The following NINL variants were observed in gnomAD, a reference collection of about 807,000 sequenced individuals.
The protein encoded by NINL is ninein like, also known as ninein-like protein.
A neutral mutation model predicts 160.3 loss-of-function variants in NINL; 153 were observed. That is an observed-to-expected ratio of 0.95 (90% CI 0.84 to 1.09). The LOEUF is 1.09. Among genes scored for constraint, NINL ranks in the 50% least tolerant of loss-of-function variants. The pLI is 0.00. For synonymous variants in NINL, 800 were observed against 734.8 expected (o/e 1.09, Z -1.43); for missense variants, 1,829 against 1,764.0 (o/e 1.04, Z -0.66).
chr20:25,521,273 C>T (rs1415478081), intron 2 of NINL, among the ~76,000 whole-genome samples: 2 of 152,144 alleles, frequency 1.3e-5, no homozygotes, highest in African/African-American at 2.4e-5. Flanking sequence ...CAGTTCTAGA[C>T]ATTTTATTTG....
intron 3 of NINL, 54 bp downstream of exon 3, chr20:25,517,699 T>G: frequency 7.3e-7 from 1 of 1,363,506 alleles, no homozygotes; most frequent in Non-Finnish European, 1.0e-6. Flanking sequence ...AATATTACAC[T>G]CCAAAAGTTA....
chr20:25,477,395 C>T (rs766920299), intron 16 of NINL, among the ~76,000 whole-genome samples: 10 of 152,210 alleles, frequency 6.6e-5, no homozygotes, highest in Non-Finnish European at 1.5e-4. Flanking sequence ...GCCCCTCGGC[C>T]GTGCAGGCCA....
In NINL at chr20:25,477,013, C is replaced by A. The variant is rs754917027; in HGVS notation, c.2278G>T (p.Glu760Ter). 2 of 1,601,260 alleles carry A rather than the reference C, an allele frequency of 1.2e-6. No individual in the cohort carries two copies. Among genetic ancestry groups the A allele is most frequent in the Non-Finnish European group, 1.7e-6 (2 of 1,179,734 alleles). Residue 760 changes from glutamate to a stop codon, truncating the protein, a stop_gained, in exon 17 of 24, where the codon GAG (glutamate) becomes TAG (stop). Transcript: ENST00000278886. LOFTEE classifies it high-confidence loss of function. ...GGTCCCTGCGGCGGCTCCTCCAGCT[C>A]CAAGGTCAGGTCTCTGCGAGCGGGC... Reference protein sequence around the residue: ...ALPARRDLTLELEEPPQGPLP... With the variant: ...ALPARRDLTL
In NINL at chr20:25,489,333, C is replaced by T. The variant is rs181531254; in HGVS notation, c.1597-9G>A. On this transcript the variant is annotated splice_polypyrimidine_tract_variant and intron_variant, in intron 12 of 23. Coordinates refer to ENST00000278886, the MANE Select transcript of NINL (RefSeq NM_025176.6). ...GCACTCTGTGGCTCCAGCTGAAAGG[C>T]AGACACAAAGGAAGTCACGGGTGGG... 5.2e-3 allele frequency: 8,404 copies of T among 1,613,170 alleles called. 41 individuals carry two copies. Among genetic ancestry groups the T allele is most frequent in the Non-Finnish European group, 5.6e-3 (6,628 of 1,179,866 alleles).
At chr20:25,472,534 T>C (rs2063130204) in intron 17 of NINL, among the ~76,000 whole-genome samples, 1 of 148,190 alleles carries the variant, frequency 6.7e-6, no homozygotes, top group Non-Finnish European at 1.5e-5. Flanking sequence ...AGGGAAAATA[T>C]TTCTTTTTTT....
chr20:25,486,599 A>C (rs1428152837), intron 13 of NINL, among the ~76,000 whole-genome samples: 1 of 149,936 alleles, frequency 6.7e-6, no homozygotes, highest in Non-Finnish European at 1.5e-5. Context: ...AGGCAGAAGG[A>C]AGGCGACACC....
intron 1 of NINL, among the ~76,000 whole-genome samples, chr20:25,578,618 C>A (rs2065141574): frequency 6.6e-6 from 1 of 151,244 alleles, no homozygotes. Flanking sequence ...ACGGTGAAAC[C>A]CCGTCTCTAC....
rs200555815 is a variant in NINL, at chr20:25,461,590, G to C, written c.3628C>G (p.Gln1210Glu). 2 of 1,610,972 alleles carry C rather than the reference G, an allele frequency of 1.2e-6. No homozygotes were observed. Among genetic ancestry groups the C allele is most frequent in the South Asian group, 1.1e-5 (1 of 90,456 alleles). ...GGCAGCTGCAGGCTCTGATGTTCCTGATTCAGGCATTCAAGTTCAACTCTA... is the reference window on the plus strand; with the variant it reads ...GGCAGCTGCAGGCTCTGATGTTCCTCATTCAGGCATTCAAGTTCAACTCTA... ...KLRVELECLN[Q>E]EHQSLQLPWS... The change falls in exon 21 of 24, where the codon CAG (glutamine) becomes GAG (glutamate). Residue 1210 changes from glutamine (Q) to glutamate (E), a missense_variant. Gln to Glu is a conservative substitution (Grantham distance 29). Transcript: ENST00000278886.
At chr20:25,565,968 T>C (rs966651533) in intron 1 of NINL, among the ~76,000 whole-genome samples, 1 of 152,116 alleles carries the variant, frequency 6.6e-6, no homozygotes, top group Non-Finnish European at 1.5e-5. Flanking sequence ...AAATTGAGAG[T>C]TACATCATTG....
At chr20:25,503,455 A>T (rs569145776) in intron 7 of NINL, among the ~76,000 whole-genome samples, 1 of 133,854 alleles carries the variant, frequency 7.5e-6, no homozygotes, top group East Asian at 2.3e-4. Flanking sequence ...CCTGAGCAGC[A>T]CGTTCCTCAC....
rs1208279248 is a variant in NINL at position 25,498,593 on chromosome 20, GA to G, written c.1033-248del. 2.0e-5 allele frequency among the ~76,000 whole-genome samples: 3 copies of G among 152,192 alleles called. No individual in the cohort carries two copies. In the East Asian group the frequency reaches 5.8e-4, roughly 29 times the overall value. On this transcript the variant is annotated intron_variant, in intron 8 of 23. Transcript: ENST00000278886. ...GGGGTGCGTAGGCCCAGGCTAGACAGAACCCCTCTTCCTGGACAAAGTGTCA... is the reference window on the plus strand; with the variant it reads ...GGGGTGCGTAGGCCCAGGCTAGACAGACCCCTCTTCCTGGACAAAGTGTCA...
chr20:25,578,179 C>T (rs1294230351), intron 1 of NINL, among the ~76,000 whole-genome samples: 3 of 151,378 alleles, frequency 2.0e-5, no homozygotes, highest in African/African-American at 7.3e-5. Context: ...GCAATCTTGG[C>T]TCACTGCAAC....
At chr20:25,537,644 C>T (rs1056111768) in intron 1 of NINL, among the ~76,000 whole-genome samples, 2 of 152,216 alleles carry the variant, frequency 1.3e-5, no homozygotes, top group African/African-American at 4.8e-5. Context: ...GGTAGCACCA[C>T]CCTCTGTGGG....
intron 1 of NINL, among the ~76,000 whole-genome samples, chr20:25,546,787 T>TCG (rs1405421091): frequency 6.6e-6 from 1 of 151,784 alleles, no homozygotes; most frequent in Non-Finnish European, 1.5e-5. Flanking sequence ...AGAGGACTTT[T>TCG]CGCTTGTCAG....
chr20:25,493,698 C>T (rs548650363), intron 10 of NINL, among the ~76,000 whole-genome samples: 3 of 152,188 alleles, frequency 2.0e-5, no homozygotes, highest in Non-Finnish European at 2.9e-5. Flanking sequence ...GGAATGATAA[C>T]GCTACAAGGC....
intron 1 of NINL, among the ~76,000 whole-genome samples, chr20:25,542,900 G>A (rs528910610): frequency 6.6e-6 from 1 of 151,266 alleles, no homozygotes; most frequent in Admixed American, 6.6e-5. Context: ...AGGGGTAGTG[G>A]AAGGCACTAC....
Position 25,462,503 on chromosome 20 carries a change from GACATTGAGCTGGGAT to G in NINL, c.3447_3461del (p.Leu1149_Val1154delinsPhe). Reference sequence around the variant, plus strand: ...CCTCCTGTCCCAGTTGAAGAACCCTGACATTGAGCTGGGATAATTGATCCTTGTAGTTCTGATTCT... The same window carrying G: ...CCTCCTGTCCCAGTTGAAGAACCCTGAATTGATCCTTGTAGTTCTGATTCT... On this transcript the variant is annotated inframe_deletion, in exon 20 of 24. Transcript: ENST00000278886. 6.2e-7 allele frequency: 1 copy of G among 1,614,180 alleles called. No homozygotes were observed. The highest frequency in any genetic ancestry group is 8.5e-7 in the Non-Finnish European group (1 of 1,180,028).
At chr20:25,487,934 A>G (rs560281293) in intron 13 of NINL, among the ~76,000 whole-genome samples, 1 of 152,330 alleles carries the variant, frequency 6.6e-6, no homozygotes, top group East Asian at 1.9e-4. Flanking sequence ...CTAGAGAAAC[A>G]CCCGAGCTTT....
intron 10 of NINL, 71 bp from the exon 11 acceptor site, chr20:25,491,596 C>T (rs2063640310): frequency 9.7e-6 from 15 of 1,540,532 alleles, no homozygotes; most frequent in Non-Finnish European, 1.3e-5. Context: ...CACCCCCTTC[C>T]TAGCCTCCTC....
Sources: allele counts gnomAD v4.1 joint callset (sites outside exome capture counted in the v4.1 genomes callset), GRCh38; gene constraint gnomAD v4.1.1; transcripts MANE v1.5; gene names NCBI Gene and HGNC (gene_info 2026-07-23, HGNC 2026-07-21).